ARNT2: variants seen among roughly 807,000 people sequenced by gnomAD.
ARNT2 encodes ARNT protein 2.
Under a neutral mutation model 91.7 loss-of-function variants are expected in ARNT2, and 36 were observed. That is an observed-to-expected ratio of 0.39 (90% CI 0.30 to 0.52). The LOEUF (loss-of-function observed/expected upper bound fraction) is 0.52. Among genes scored for constraint, ARNT2 ranks in the 20% least tolerant of loss-of-function variants. The pLI is 0.72. For missense variants in ARNT2, 775 were observed against 939.3 expected, an observed-to-expected ratio of 0.83 and a Z score of 2.29; for synonymous variants, 365 against 347.1, an observed-to-expected ratio of 1.05 and a Z score of -0.57.
intron 3 of ARNT2, among the ~76,000 whole-genome samples, chr15:80,467,991 A>G (rs889132324): frequency 2.0e-5 from 3 of 151,590 alleles, no homozygotes; most frequent in Non-Finnish European, 4.4e-5. Context: ...CCCCTTTTTC[A>G]TCACTTTCTT....
At chr15:80,417,092 A>C (rs1895796999) in intron 1 of ARNT2, among the ~76,000 whole-genome samples, 1 of 140,796 alleles carries the variant, frequency 7.1e-6, no homozygotes, top group African/African-American at 2.7e-5. Context: ...TAAGCAAACT[A>C]TGCAAAGATT....
intron 8 of ARNT2, among the ~76,000 whole-genome samples, chr15:80,525,068 T>C (rs1269579497): frequency 7.3e-6 from 1 of 137,574 alleles, no homozygotes; most frequent in African/African-American, 2.6e-5. Context: ...TTTTCTTTTC[T>C]ATTCATTTCT....
At position 80,405,079 on chromosome 15, in the gene ARNT2, G is replaced by A. The variant is rs534370929; in HGVS notation, c.31+533G>A. On this transcript the variant is annotated intron_variant, in intron 1 of 18. Coordinates refer to ENST00000303329, the MANE Select transcript of ARNT2 (RefSeq NM_014862.4). ...TGGCTGCTGTGTGTCCTAACCCTCCGGGGGCACAAAACACCCAGCCTGTGG... is the reference window on the plus strand; with the variant it reads ...TGGCTGCTGTGTGTCCTAACCCTCCAGGGGCACAAAACACCCAGCCTGTGG... Among the ~76,000 whole-genome samples the A allele has an allele frequency of 4.4e-4, 67 of 151,444 alleles. No individual in the cohort carries two copies. The South Asian group carries it at 0.013, about 29-fold the overall frequency.
In ARNT2 at chr15:80,594,133, G is replaced by A; in HGVS notation, c.*435G>A. 6.2e-6 allele frequency: 1 copy of A among 160,902 alleles called. No individual in the cohort carries two copies. The highest frequency in any genetic ancestry group is 1.8e-4 in the East Asian group (1 of 5,554). 10.0% of individuals were successfully genotyped at this position (160,902 alleles called of 1,614,324 possible). On this transcript the variant is annotated 3_prime_UTR_variant, in exon 19 of 19. Transcript: ENST00000303329. ...TCTGATGGATGCATGGGGCTCTGGG[G>A]GAATGCTGGGAAAATGGGCAAGCAG...
chr15:80,491,441 A>G (rs1010785928), intron 5 of ARNT2, among the ~76,000 whole-genome samples: 2 of 152,106 alleles, frequency 1.3e-5, no homozygotes, highest in South Asian at 2.1e-4. Context: ...CCATGATTCA[A>G]TTACCTCCCA....
At chr15:80,415,547 C>G (rs1486589440) in intron 1 of ARNT2, among the ~76,000 whole-genome samples, 1 of 152,092 alleles carries the variant, frequency 6.6e-6, no homozygotes, top group Admixed American at 6.5e-5. Context: ...TCTCTGGCTG[C>G]GGAATGAAGG....
chr15:80,566,456 G>A (rs1420807081), intron 12 of ARNT2, among the ~76,000 whole-genome samples: 4 of 152,052 alleles, frequency 2.6e-5, no homozygotes, highest in South Asian at 2.1e-4. Context: ...CTGGACTCCC[G>A]TGACCCTCCC....
intron 6 of ARNT2, among the ~76,000 whole-genome samples, chr15:80,510,428 C>A (rs1027935620): frequency 6.6e-6 from 1 of 151,958 alleles, no homozygotes; most frequent in African/African-American, 2.4e-5. Flanking sequence ...ATACATGCGG[C>A]CAACAATCAT....
chr15:80,536,330 G>A (rs1436190563), intron 8 of ARNT2, among the ~76,000 whole-genome samples: 1 of 152,208 alleles, frequency 6.6e-6, no homozygotes, highest in East Asian at 1.9e-4. Flanking sequence ...GTTGGACCAG[G>A]TGTGACGTTT....
chr15:80,463,575 C>CT lies in ARNT2; in HGVS notation c.194+5619dup, dbSNP rs11358638. ...CATGCTGATATGGATGGGTGATTTC[C>CT]TTTTTTTTTTTTTTTTTTTTGAGAC... On this transcript the variant is annotated intron_variant, in intron 3 of 18. Coordinates refer to ENST00000303329, the MANE Select transcript of ARNT2 (RefSeq NM_014862.4). 2.4e-3 allele frequency among the ~76,000 whole-genome samples: 270 copies of CT among 113,186 alleles called. 4 individuals carry two copies. Among genetic ancestry groups the CT allele is most frequent in the African/African-American group, 8.8e-3 (240 of 27,342 alleles). The allele number at this position is 113,186 out of a possible 152,430, so 74.3% of individuals were successfully genotyped here.
At chr15:80,483,972 G>A (rs1043024800) in intron 5 of ARNT2, among the ~76,000 whole-genome samples, 1 of 152,206 alleles carries the variant, frequency 6.6e-6, no homozygotes, top group Non-Finnish European at 1.5e-5. Context: ...GAATTATGCA[G>A]TCCACCCCTG....
chr15:80,511,437 T>A lies in ARNT2; in HGVS notation c.726-2474T>A, dbSNP rs142702460. Among the ~76,000 whole-genome samples the A allele has an allele frequency of 2.1e-3, 323 of 152,016 alleles. 10 individuals are homozygous for A. The East Asian group carries it at 0.053, about 25-fold the overall frequency. On this transcript the variant is annotated intron_variant, in intron 6 of 18. Coordinates refer to ENST00000303329, the MANE Select transcript of ARNT2 (RefSeq NM_014862.4). The stretch of plus-strand genomic sequence containing the variant: ...AATAACTAATGGGTACTAGGCTTAA[T>A]ACCTGGATGATGAAATAATCTGTAC...
intron 2 of ARNT2, among the ~76,000 whole-genome samples, chr15:80,454,969 G>C (rs1365119447): frequency 6.6e-6 from 1 of 152,110 alleles, no homozygotes; most frequent in Non-Finnish European, 1.5e-5. Flanking sequence ...ATTAAAGTGA[G>C]TACAATAGGA....
intron 1 of ARNT2, chr15:80,433,666 A>T (rs535189479): frequency 6.6e-6 from 1 of 152,208 alleles, no homozygotes; most frequent in South Asian, 2.1e-4. Context: ...CTGGAGGGGC[A>T]AAGGGAAAGC....
chr15:80,514,079 G>C (rs1440166389), intron 7 of ARNT2, 103 bp downstream of exon 7: 8 of 1,198,380 alleles, frequency 6.7e-6, no homozygotes, highest in Non-Finnish European at 9.8e-6. Context: ...GTGTGGTGAG[G>C]ACCAAGAGAA....
chr15:80,474,146 C>G (rs898253790), intron 4 of ARNT2, among the ~76,000 whole-genome samples: 8 of 152,204 alleles, frequency 5.3e-5, no homozygotes, highest in Non-Finnish European at 8.8e-5. Flanking sequence ...CCTTCAGGCG[C>G]TGCAAAGAAA....
At chr15:80,500,984 T>G (rs1268930098) in intron 5 of ARNT2, among the ~76,000 whole-genome samples, 5 of 152,228 alleles carry the variant, frequency 3.3e-5, no homozygotes, top group Admixed American at 2.0e-4. Context: ...TGAGGTAAGG[T>G]GGTCATAATT....
chr15:80,517,901 T>C (rs1290252865), intron 8 of ARNT2, among the ~76,000 whole-genome samples: 2 of 152,212 alleles, frequency 1.3e-5, no homozygotes, highest in Non-Finnish European at 2.9e-5. Context: ...TGTTCTTGCA[T>C]ATTGTCTACG....
At chr15:80,441,243 A>G (rs1896182782) in intron 1 of ARNT2, 2 of 985,284 alleles carry the variant, frequency 2.0e-6, no homozygotes, top group South Asian at 4.7e-5. Flanking sequence ...CTGTGATGAC[A>G]TTTTCTCAGC....
Sources: allele counts gnomAD v4.1 joint callset (sites outside exome capture counted in the v4.1 genomes callset), GRCh38; gene constraint gnomAD v4.1.1; transcripts MANE v1.5; gene names NCBI Gene and HGNC (gene_info 2026-07-23, HGNC 2026-07-21).